Variants in TTC7A observed in about 807,000 individuals in gnomAD.
The protein encoded by TTC7A is tetratricopeptide repeat domain 7A.
Under a neutral mutation model 103.7 loss-of-function variants are expected in TTC7A, and 110 were observed. That is an observed-to-expected ratio of 1.06 (90% CI 0.91 to 1.24). The LOEUF is 1.24. TTC7A is among the 50% of genes most tolerant of loss of function. The probability of loss-of-function intolerance (pLI) is 0.00; values close to 1 mark genes in which losing one functional copy is unlikely to be tolerated. For synonymous variants in TTC7A, 521 were observed against 467.9 expected, an observed-to-expected ratio of 1.11 and a Z score of -1.47; for missense variants, 1,340 against 1,116.3, an observed-to-expected ratio of 1.20 and a Z score of -2.86.
chr2:46,966,805 T>C (rs1317820862), intron 3 of TTC7A, among the ~76,000 whole-genome samples: 1 of 151,634 alleles, frequency 6.6e-6, no homozygotes, highest in Non-Finnish European at 1.5e-5. Context: ...TTTTTTTTTT[T>C]TCGAAGATAA....
chr2:46,971,273 G>A (rs548558504), intron 3 of TTC7A, among the ~76,000 whole-genome samples: 1 of 152,350 alleles, frequency 6.6e-6, no homozygotes, highest in African/African-American at 2.4e-5. Flanking sequence ...GTTATACCAG[G>A]GAATATCGGG....
chr2:46,938,793 C>G (rs1390203361), upstream of TTC7A, among the ~76,000 whole-genome samples: 1 of 151,462 alleles, frequency 6.6e-6, no homozygotes, highest in African/African-American at 2.4e-5. Flanking sequence ...GCGGGCAGAT[C>G]ATGAGGTCAG....
intron 5 of TTC7A, among the ~76,000 whole-genome samples, chr2:46,988,793 T>C (rs1446956695): frequency 6.6e-6 from 1 of 152,174 alleles, no homozygotes; most frequent in East Asian, 1.9e-4. Flanking sequence ...GGTGTTGTCT[T>C]TCTCAGGGGT....
Position 47,041,844 on chromosome 2 carries a change from A to C in TTC7A, c.1803-4471A>C, listed in dbSNP as rs1040484408. 3.5e-4 allele frequency among the ~76,000 whole-genome samples: 53 copies of C among 152,244 alleles called. No homozygotes were observed. In the South Asian group the frequency reaches 0.01, roughly 30 times the overall value. On this transcript the variant is annotated intron_variant, in intron 15 of 19. Transcript: ENST00000319190. Reference sequence around the variant, plus strand: ...ATTATATACATAGTAGGGGAAGGGAAAATGGCTTCCCTCCACCCTTCTAGG... The same window carrying C: ...ATTATATACATAGTAGGGGAAGGGACAATGGCTTCCCTCCACCCTTCTAGG...
At chr2:47,018,275 G>A (rs193037122) in intron 11 of TTC7A, among the ~76,000 whole-genome samples, 1,143 of 106,934 alleles carry the variant, frequency 0.011, 6 homozygotes, top group Non-Finnish European at 0.015. Flanking sequence ...GTGAGAGTCC[G>A]TCTCAGAAAA....
intron 18 of TTC7A, chr2:47,054,145 C>T (rs780467471): frequency 3.0e-5 from 30 of 985,254 alleles, no homozygotes; most frequent in East Asian, 2.3e-4. Flanking sequence ...TTGAATGTGG[C>T]GCTGCATCAG....
chr2:46,972,556 T>G (rs1673462767), intron 3 of TTC7A, among the ~76,000 whole-genome samples: 1 of 152,168 alleles, frequency 6.6e-6, no homozygotes, highest in South Asian at 2.1e-4. Context: ...TAAGACTGGT[T>G]TTTATTGGCC....
At chr2:46,980,655 C>G (rs1674354112) in intron 5 of TTC7A, among the ~76,000 whole-genome samples, 1 of 152,160 alleles carries the variant, frequency 6.6e-6, no homozygotes, top group African/African-American at 2.4e-5. Context: ...TTGATCTGGG[C>G]CCTGGCTGGG....
chr2:46,974,053 A>G (rs779895924), intron 3 of TTC7A, among the ~76,000 whole-genome samples: 2 of 152,232 alleles, frequency 1.3e-5, no homozygotes, highest in Non-Finnish European at 2.9e-5. Context: ...TCAATCGTCC[A>G]AAGTGTACTG....
intron 2 of TTC7A, among the ~76,000 whole-genome samples, chr2:46,956,319 C>T (rs2104013684): frequency 6.6e-6 from 1 of 152,288 alleles, no homozygotes; most frequent in Non-Finnish European, 1.5e-5. Flanking sequence ...GTCCCTCTGC[C>T]ACTGTAGGGG....
At chr2:46,957,875 G>T (rs1158591341) in intron 3 of TTC7A, among the ~76,000 whole-genome samples, 1 of 152,230 alleles carries the variant, frequency 6.6e-6, no homozygotes, top group African/African-American at 2.4e-5. Context: ...AAAGATGCCT[G>T]TGGCTCAGTG....
intron 11 of TTC7A, among the ~76,000 whole-genome samples, chr2:47,017,227 A>T (rs1342960723): frequency 7.0e-6 from 1 of 143,522 alleles, no homozygotes; most frequent in East Asian, 2.1e-4. Context: ...AAAAAAAAAA[A>T]ATTTGAGACT....
At chr2:46,969,364 G>A (rs1259545951) in intron 3 of TTC7A, among the ~76,000 whole-genome samples, 5 of 152,140 alleles carry the variant, frequency 3.3e-5, no homozygotes, top group African/African-American at 9.6e-5. Flanking sequence ...AAAATTAGCC[G>A]AGCTTAGTGG....
At chr2:46,972,736 C>G (rs943878077) in intron 3 of TTC7A, among the ~76,000 whole-genome samples, 4 of 152,330 alleles carry the variant, frequency 2.6e-5, no homozygotes, top group African/African-American at 9.6e-5. Context: ...CAGGGAGGAA[C>G]TGTTGGGTTC....
chr2:47,073,903 A>G lies in TTC7A; in HGVS notation c.2557A>G (p.Ile853Val), dbSNP rs1684998438. The change falls in exon 20 of 20, where the codon ATC (isoleucine) becomes GTC (valine). Residue 853 changes from isoleucine to valine, a missense_variant. Transcript: ENST00000319190. ...CAGCAGCCCTGTACTGCCCTTCTCC[A>G]TCATCCCCAGAGAGCTCTGACGACG... ...EASSPVLPFS[I>V]IPREL 2 of 1,612,708 alleles carry G rather than the reference A, an allele frequency of 1.2e-6. No homozygotes were observed. The highest frequency in any genetic ancestry group is 1.1e-5 in the South Asian group (1 of 91,004).
At chr2:47,060,071 T>C (rs1238108790) in intron 18 of TTC7A, among the ~76,000 whole-genome samples, 1 of 152,078 alleles carries the variant, frequency 6.6e-6, no homozygotes, top group African/African-American at 2.4e-5. Flanking sequence ...GGTAGGAGGA[T>C]TGCTTGAGCC....
chr2:46,960,082 A>G (rs778557777), intron 3 of TTC7A, among the ~76,000 whole-genome samples: 19 of 152,174 alleles, frequency 1.2e-4, no homozygotes, highest in Admixed American at 3.9e-4. Context: ...TGAGTCACAC[A>G]TGTGCTCAGA....
chr2:46,983,820 G>A (rs1572811953), intron 5 of TTC7A, among the ~76,000 whole-genome samples: 1 of 152,156 alleles, frequency 6.6e-6, no homozygotes, highest in East Asian at 1.9e-4. Flanking sequence ...ACAGTTTGCT[G>A]ACCCCTGCAC....
intron 19 of TTC7A, among the ~76,000 whole-genome samples, chr2:47,072,280 CGT>C (rs887047724): frequency 2.6e-5 from 4 of 152,186 alleles, no homozygotes; most frequent in Admixed American, 6.5e-5. Context: ...ACGCCTCATC[CGT>C]GTGTGTGGTT....
Sources: allele counts gnomAD v4.1 joint callset (sites outside exome capture counted in the v4.1 genomes callset), GRCh38; gene constraint gnomAD v4.1.1; transcripts MANE v1.5; gene names NCBI Gene and HGNC (gene_info 2026-07-23, HGNC 2026-07-21).